GRID2: variants seen among roughly 807,000 people sequenced by gnomAD.
The protein encoded by GRID2 is glutamate receptor ionotropic, delta-2.
A neutral mutation model predicts 114.8 loss-of-function variants in GRID2; 33 were observed. The observed-to-expected ratio is 0.29, with a 90% CI of 0.22 to 0.38. The LOEUF is 0.38. Ranked by LOEUF, GRID2 falls within the 10% of genes least tolerant of loss-of-function variation. The pLI, the probability that GRID2 is intolerant of heterozygous loss-of-function variation, is 1.00. For synonymous variants in GRID2, 505 were observed against 449.9 expected, an observed-to-expected ratio of 1.12 and a Z score of -1.55; for missense variants, 1,184 against 1,257.7, an observed-to-expected ratio of 0.94 and a Z score of 0.89.
intron 1 of GRID2, among the ~76,000 whole-genome samples, chr4:92,541,451 G>GA (rs1176341318): frequency 3.3e-5 from 5 of 151,222 alleles, no homozygotes; most frequent in East Asian, 1.9e-4. Context: ...CATGGAATGT[G>GA]AAAAAACCAT....
At chr4:93,323,272 C>T (rs1030178887) in intron 8 of GRID2, among the ~76,000 whole-genome samples, 1 of 152,154 alleles carries the variant, frequency 6.6e-6, no homozygotes, top group African/African-American at 2.4e-5. Context: ...TATGGCTAGC[C>T]AGTTTTCCCA....
In GRID2 at chr4:93,238,414, A is replaced by G; in HGVS notation, c.1169A>G (p.Asn390Ser). The stretch of plus-strand genomic sequence containing the variant: ...ACTGGAGAGCTAGAATTTGGAGAAA[A>G]TGGAGGCAATCCCAATGTCCACTTT... ...GLTGELEFGE[N>S]GGNPNVHFEI... The change falls in exon 8 of 16, where the codon AAT becomes AGT. Residue 390 changes from asparagine (N) to serine (S), a missense_variant. Asn to Ser is a conservative substitution (Grantham distance 46). Coordinates refer to ENST00000282020, the MANE Select transcript of GRID2 (RefSeq NM_001510.4). The G allele has an allele frequency of 6.2e-7, 1 of 1,606,472 alleles. No individual in the cohort carries two copies. The highest frequency in any genetic ancestry group is 1.1e-5 in the South Asian group (1 of 90,888).
At chr4:93,367,473 A>C (rs976935921) in intron 8 of GRID2, among the ~76,000 whole-genome samples, 11 of 152,184 alleles carry the variant, frequency 7.2e-5, no homozygotes, top group Non-Finnish European at 1.6e-4. Context: ...AGAATGTTTA[A>C]AAATGAAACA....
chr4:92,360,624 A>G (rs1467638072), intron 1 of GRID2, among the ~76,000 whole-genome samples: 5 of 152,012 alleles, frequency 3.3e-5, no homozygotes. Flanking sequence ...AGCATTGTTC[A>G]ACGGTATCAT....
intron 1 of GRID2, among the ~76,000 whole-genome samples, chr4:92,411,658 T>TAC (rs1168674546): frequency 1.5e-4 from 21 of 135,956 alleles, no homozygotes; most frequent in Admixed American, 1.4e-3. Context: ...TGTGTGTGTA[T>TAC]ATATATATAT....
rs1407007816 is a variant in GRID2, at chr4:92,687,101, C to A, written c.244+96815C>A. 2.6e-5 allele frequency among the ~76,000 whole-genome samples: 4 copies of A among 151,968 alleles called. No individual in the cohort carries two copies. In the East Asian group the frequency reaches 7.7e-4, roughly 29 times the overall value. On this transcript the variant is annotated intron_variant, in intron 2 of 15. Coordinates refer to ENST00000282020, the MANE Select transcript of GRID2 (RefSeq NM_001510.4). The stretch of plus-strand genomic sequence containing the variant: ...GCATCATTTGCAAATCTTCCATTTT[C>A]TGGAGTTACCATGCCTTTTGAGATT...
chr4:92,731,852 C>T (rs1736343248), intron 2 of GRID2, among the ~76,000 whole-genome samples: 1 of 151,866 alleles, frequency 6.6e-6, no homozygotes, highest in African/African-American at 2.4e-5. Context: ...CATATTTCAA[C>T]TTGATTATTT....
At chr4:92,986,564 C>T (rs542783352) in intron 2 of GRID2, among the ~76,000 whole-genome samples, 22 of 152,112 alleles carry the variant, frequency 1.4e-4, no homozygotes, top group African/African-American at 3.6e-4. Flanking sequence ...ACACCACTGG[C>T]GAATAGTGTA....
chr4:92,815,921 A>C (rs1470858096), intron 2 of GRID2, among the ~76,000 whole-genome samples: 3 of 145,624 alleles, frequency 2.1e-5, no homozygotes, highest in Non-Finnish European at 3.0e-5. Context: ...TCTCAAAAAA[A>C]AAAAAAAAAA....
intron 2 of GRID2, among the ~76,000 whole-genome samples, chr4:93,016,538 C>T (rs1722752227): frequency 6.6e-6 from 1 of 152,136 alleles, no homozygotes; most frequent in Non-Finnish European, 1.5e-5. Flanking sequence ...TGCACTGCCT[C>T]TCTGCCCATC....
chr4:93,739,079 A>C (rs955415141), intron 14 of GRID2, among the ~76,000 whole-genome samples: 2 of 152,060 alleles, frequency 1.3e-5, no homozygotes, highest in Non-Finnish European at 2.9e-5. Context: ...GGAGCTACTG[A>C]CTGACCTCAG....
chr4:92,731,369 ATACCAAT>A (rs1444001870), intron 2 of GRID2, among the ~76,000 whole-genome samples: 2 of 152,032 alleles, frequency 1.3e-5, no homozygotes, highest in Non-Finnish European at 2.9e-5. Flanking sequence ...CCAATACCTA[ATACCAAT>A]TACCAATTAC....
At chr4:93,273,647 A>C (rs914583488) in intron 8 of GRID2, among the ~76,000 whole-genome samples, 1 of 152,126 alleles carries the variant, frequency 6.6e-6, no homozygotes, top group South Asian at 2.1e-4. Context: ...GGGACCTAAA[A>C]GGGAAAAAGG....
At chr4:92,986,752 T>A (rs765975992) in intron 2 of GRID2, among the ~76,000 whole-genome samples, 16 of 152,186 alleles carry the variant, frequency 1.1e-4, no homozygotes, top group Non-Finnish European at 1.9e-4. Flanking sequence ...CAGGACTAAA[T>A]ATTATAAATA....
intron 12 of GRID2, among the ~76,000 whole-genome samples, chr4:93,510,401 A>G (rs1033173811): frequency 9.8e-5 from 15 of 152,298 alleles, no homozygotes; most frequent in African/African-American, 3.6e-4. Flanking sequence ...CTGTCTTGTT[A>G]AAGGAAGATA....
At chr4:92,734,888 T>A (rs888643347) in intron 2 of GRID2, among the ~76,000 whole-genome samples, 2 of 151,140 alleles carry the variant, frequency 1.3e-5, no homozygotes, top group Admixed American at 1.3e-4. Context: ...CATGTGACCC[T>A]CTCAACTCAG....
At chr4:93,781,768 A>C (rs1734485411) in intron 1 of GRID2, among the ~76,000 whole-genome samples, 1 of 152,158 alleles carries the variant, frequency 6.6e-6, no homozygotes, top group South Asian at 2.1e-4. Context: ...GACAAGAAAA[A>C]TGTCTGTACA....
chr4:92,891,480 A>G (rs1482464685), intron 2 of GRID2, among the ~76,000 whole-genome samples: 1 of 152,168 alleles, frequency 6.6e-6, no homozygotes. Flanking sequence ...TCTAAATAAG[A>G]AGTGTGAAGT....
intron 8 of GRID2, among the ~76,000 whole-genome samples, chr4:93,368,991 C>G (rs1356067754): frequency 6.6e-6 from 1 of 152,160 alleles, no homozygotes; most frequent in Non-Finnish European, 1.5e-5. Context: ...GTTTTGTGAG[C>G]AGTCCCAAAC....
Sources: gnomAD v4.1 joint callset for allele counts (sites outside exome capture counted in the v4.1 genomes callset) on GRCh38, gnomAD v4.1.1 for gene constraint, MANE v1.5 for transcripts, NCBI Gene and HGNC (gene_info 2026-07-23, HGNC 2026-07-21) for gene names.